Variants in NFAM1 observed in about 807,000 individuals in gnomAD.
NFAM1 encodes the protein NFAT activation molecule 1.
NFAM1 carries 17 observed loss-of-function variants against 29.0 expected under a neutral mutation model. The observed-to-expected ratio is 0.59, with a 90% CI of 0.40 to 0.88. NFAM1 has a LOEUF of 0.88. Among genes scored for constraint, NFAM1 ranks in the 40% least tolerant of loss-of-function variants. The pLI is 0.00. For missense variants in NFAM1, 324 were observed against 344.6 expected (o/e 0.94, Z 0.47); for synonymous variants, 175 against 147.2 (o/e 1.19, Z -1.36).
Position 42,380,749 on chromosome 22 carries a change from C to A in NFAM1, c.*4412G>T, listed in dbSNP as rs1213456015. On this transcript the variant is annotated 3_prime_UTR_variant, in exon 6 of 6. Transcript: ENST00000329021. Reference sequence around the variant, plus strand: ...AAATCCATCCCTGAAATCCCAGAGGCATCTTTAGAATGGAGCATGGACTTT... The same window carrying A: ...AAATCCATCCCTGAAATCCCAGAGGAATCTTTAGAATGGAGCATGGACTTT... 6.6e-6 allele frequency: 1 copy of A among 152,106 alleles called. No individual in the cohort carries two copies. 9.4% of individuals were successfully genotyped at this position (152,106 alleles called of 1,614,324 possible). A position where few individuals can be genotyped will look rare whatever the true frequency, so the allele number is the denominator to read the frequency against.
intron 1 of NFAM1, among the ~76,000 whole-genome samples, chr22:42,415,003 C>A (rs1359361105): frequency 6.6e-6 from 1 of 152,196 alleles, no homozygotes; most frequent in Non-Finnish European, 1.5e-5. Context: ...TTTAAGGTCA[C>A]CGAGTTAGGC....
chr22:42,423,400 G>C (rs1173474618), intron 1 of NFAM1, among the ~76,000 whole-genome samples: 4 of 152,080 alleles, frequency 2.6e-5, no homozygotes, highest in Admixed American at 1.3e-4. Flanking sequence ...GAATTCTTTA[G>C]GTACCCCTAC....
chr22:42,383,020 A>T lies in NFAM1; in HGVS notation c.*2141T>A, dbSNP rs1483490499. 1 of 153,336 alleles carries T rather than the reference A, an allele frequency of 6.5e-6. No individual in the cohort carries two copies. The highest frequency in any genetic ancestry group is 1.5e-5 in the Non-Finnish European group (1 of 68,942). The allele number at this position is 153,336 out of a possible 1,614,324, so 9.5% of individuals were successfully genotyped here. On this transcript the variant is annotated 3_prime_UTR_variant, in exon 6 of 6. Transcript: ENST00000329021. ...GCAAAAACCATGCAAGGTATAGAGCAGGGGAGGCCAAGGCCAGGTGTGGGT... is the reference window on the plus strand; with the variant it reads ...GCAAAAACCATGCAAGGTATAGAGCTGGGGAGGCCAAGGCCAGGTGTGGGT...
intron 4 of NFAM1, among the ~76,000 whole-genome samples, chr22:42,396,712 T>C (rs1173064077): frequency 6.6e-6 from 1 of 152,126 alleles, no homozygotes; most frequent in African/African-American, 2.4e-5. Context: ...TGAAAGCCCT[T>C]TGAGAACCAT....
chr22:42,408,022 C>A (rs13056038), intron 3 of NFAM1, among the ~76,000 whole-genome samples: 18,936 of 151,342 alleles, frequency 0.13, 1,309 homozygotes, highest in Admixed American at 0.15. Context: ...CCTGCCTCAG[C>A]CTCTGGGATT....
Position 42,386,969 on chromosome 22 carries a change from G to C in NFAM1, c.753+20C>G. The C allele has an allele frequency of 7.2e-7, 1 of 1,384,128 alleles. No individual in the cohort carries two copies. The allele number at this position is 1,384,128 out of a possible 1,614,324, so 85.7% of individuals were successfully genotyped here. A position where few individuals can be genotyped will look rare whatever the true frequency, so the allele number is the denominator to read the frequency against. ...CAGATGGAGCAAGAAGCCAGGCTTG[G>C]TGCCCCAGCGCCTGTGTACCTGGGA... On this transcript the variant is annotated intron_variant, in intron 5 of 5. Transcript: ENST00000329021.
intron 3 of NFAM1, among the ~76,000 whole-genome samples, chr22:42,404,604 A>G (rs1929831309): frequency 6.6e-6 from 1 of 152,048 alleles, no homozygotes; most frequent in Non-Finnish European, 1.5e-5. Flanking sequence ...CAGGCACCCA[A>G]CTGGTGCTTC....
At chr22:42,436,723 G>C (rs912510019), upstream of NFAM1, among the ~76,000 whole-genome samples, 2 of 152,254 alleles carry the variant, frequency 1.3e-5, no homozygotes, top group African/African-American at 4.8e-5. Context: ...TAGAAACCTT[G>C]TATGGGAGGT....
intron 1 of NFAM1, among the ~76,000 whole-genome samples, chr22:42,418,692 T>TC (rs1930339979): frequency 6.6e-6 from 1 of 151,964 alleles, no homozygotes. Context: ...ATCTCTGTTT[T>TC]TTTTTTTTTT....
intron 4 of NFAM1, among the ~76,000 whole-genome samples, chr22:42,389,367 C>A (rs969307920): frequency 2.6e-5 from 4 of 152,254 alleles, no homozygotes; most frequent in East Asian, 1.9e-4. Context: ...GGGGAGGCTG[C>A]GGAGGTGGCC....
Position 42,384,726 on chromosome 22 carries a change from C to T in NFAM1, c.*435G>A, listed in dbSNP as rs537953819. 5.0e-6 allele frequency: 1 copy of T among 200,590 alleles called. No individual in the cohort carries two copies. The highest frequency in any genetic ancestry group is 2.3e-5 in the African/African-American group (1 of 42,710). 12.4% of individuals were successfully genotyped at this position (200,590 alleles called of 1,614,324 possible). A position where few individuals can be genotyped will look rare whatever the true frequency, so the allele number is the denominator to read the frequency against. ...AGCTCCTCCATACCTCGGCTCCCCA[C>T]ACAGCACTGCTAGGCGCCCCTGCAG... On this transcript the variant is annotated 3_prime_UTR_variant, in exon 6 of 6. Coordinates refer to ENST00000329021, the MANE Select transcript of NFAM1 (RefSeq NM_145912.8).
chr22:42,414,921 C>T (rs1174224230), intron 1 of NFAM1, among the ~76,000 whole-genome samples: 1 of 152,152 alleles, frequency 6.6e-6, no homozygotes, highest in Non-Finnish European at 1.5e-5. Context: ...GCAATTAAGC[C>T]GATCTTTACA....
intron 3 of NFAM1, among the ~76,000 whole-genome samples, chr22:42,408,463 C>A (rs1010524277): frequency 6.6e-6 from 1 of 152,176 alleles, no homozygotes; most frequent in African/African-American, 2.4e-5. Flanking sequence ...GGCTTGGCCC[C>A]GAAGGTCCCC....
intron 1 of NFAM1, among the ~76,000 whole-genome samples, chr22:42,429,797 C>G (rs1207505835): frequency 6.6e-6 from 1 of 152,170 alleles, no homozygotes; most frequent in Non-Finnish European, 1.5e-5. Context: ...GGTGGCAGAG[C>G]TGGTTGCACC....
intron 1 of NFAM1, among the ~76,000 whole-genome samples, chr22:42,425,021 A>T (rs933833012): frequency 6.6e-6 from 1 of 151,990 alleles, no homozygotes; most frequent in South Asian, 2.1e-4. Flanking sequence ...TCCCAGGTTC[A>T]AACAATTCTC....
At chr22:42,398,122 G>T (rs558478977) in intron 3 of NFAM1, among the ~76,000 whole-genome samples, 166 bp from the exon 4 acceptor site, 22 of 152,344 alleles carry the variant, frequency 1.4e-4, no homozygotes, top group African/African-American at 5.3e-4. Flanking sequence ...ATGCCTACAA[G>T]ACCTGCATCA....
intron 4 of NFAM1, among the ~76,000 whole-genome samples, chr22:42,395,786 G>A (rs1343506533): frequency 6.6e-6 from 1 of 151,030 alleles, no homozygotes; most frequent in African/African-American, 2.4e-5. Flanking sequence ...GGGAGGCTGA[G>A]GCAAGAGAAT....
chr22:42,380,850 A>C lies in NFAM1; in HGVS notation c.*4311T>G, dbSNP rs1402898755. ...AAAGGAAAAGCAGGTTTTGCCTGTAACTTGAGTTCAGGTTTGTGACACTGG... is the reference window on the plus strand; with the variant it reads ...AAAGGAAAAGCAGGTTTTGCCTGTACCTTGAGTTCAGGTTTGTGACACTGG... On this transcript the variant is annotated 3_prime_UTR_variant, in exon 6 of 6. Coordinates refer to ENST00000329021, the MANE Select transcript of NFAM1 (RefSeq NM_145912.8). The C allele has an allele frequency of 6.6e-6, 1 of 152,576 alleles. No individual in the cohort carries two copies. The highest frequency in any genetic ancestry group is 1.5e-5 in the Non-Finnish European group (1 of 68,048). The allele number at this position is 152,576 out of a possible 1,614,324, so 9.5% of individuals were successfully genotyped here. A position where few individuals can be genotyped will look rare whatever the true frequency, so the allele number is the denominator to read the frequency against.
chr22:42,409,299 G>C lies in NFAM1; in HGVS notation c.564+136C>G, dbSNP rs1457368600. 2 of 461,208 alleles carry C rather than the reference G, an allele frequency of 4.3e-6. No homozygotes were observed. Among genetic ancestry groups the C allele is most frequent in the Non-Finnish European group, 7.6e-6 (2 of 261,980 alleles). 28.6% of individuals were successfully genotyped at this position (461,208 alleles called of 1,614,324 possible). On this transcript the variant is annotated intron_variant, in intron 3 of 5. Coordinates refer to ENST00000329021, the MANE Select transcript of NFAM1 (RefSeq NM_145912.8). This position sits in a 1 kb window ranked among gnomAD's most constrained non-coding sequence, Gnocchi z 4.9. Reference sequence around the variant, plus strand: ...AGGGATGCCCCCAGCCCTGGTGCAAGGGGCCACGAGGGCCACCTGTTACAG... The same window carrying C: ...AGGGATGCCCCCAGCCCTGGTGCAACGGGCCACGAGGGCCACCTGTTACAG...
Sources: allele counts gnomAD v4.1 joint callset (sites outside exome capture counted in the v4.1 genomes callset), GRCh38; gene constraint gnomAD v4.1.1; non-coding constraint Gnocchi (gnomAD v3.1); transcripts MANE v1.5; gene names NCBI Gene and HGNC (gene_info 2026-07-23, HGNC 2026-07-21).